Variants in TSPAN5 observed in about 807,000 individuals in gnomAD.
TSPAN5 encodes the protein tetraspanin-5.
Under a neutral mutation model 37.1 loss-of-function variants are expected in TSPAN5, and 10 were observed. That is an observed-to-expected ratio of 0.27 (90% CI 0.17 to 0.46). TSPAN5 has a LOEUF of 0.46. TSPAN5 is among the 20% of genes least tolerant of loss of function. The pLI, the probability that TSPAN5 is intolerant of heterozygous loss-of-function variation, is 1.00. For missense variants in TSPAN5, 195 were observed against 326.6 expected, an observed-to-expected ratio of 0.60 and a Z score of 3.11; for synonymous variants, 110 against 118.9, an observed-to-expected ratio of 0.93 and a Z score of 0.48.
At chr4:98,546,215 A>G (rs1754466272) in intron 1 of TSPAN5, among the ~76,000 whole-genome samples, 1 of 152,222 alleles carries the variant, frequency 6.6e-6, no homozygotes, top group Non-Finnish European at 1.5e-5. Context: ...GCATATTCTA[A>G]CTAGAACATT....
chr4:98,541,356 C>T (rs1754351799), intron 1 of TSPAN5, among the ~76,000 whole-genome samples: 1 of 152,058 alleles, frequency 6.6e-6, no homozygotes, highest in Admixed American at 6.6e-5. Flanking sequence ...ATATACACTA[C>T]AATGCATCCT....
chr4:98,544,841 G>A (rs1754433445), intron 1 of TSPAN5, among the ~76,000 whole-genome samples: 1 of 152,158 alleles, frequency 6.6e-6, no homozygotes, highest in Non-Finnish European at 1.5e-5. Context: ...GTATCTAGGT[G>A]TTAACACTAC....
intron 1 of TSPAN5, among the ~76,000 whole-genome samples, chr4:98,540,639 CCT>C (rs1313410577): frequency 6.6e-6 from 1 of 152,026 alleles, no homozygotes; most frequent in Non-Finnish European, 1.5e-5. Context: ...TGCCCAGCCC[CCT>C]CTTTCTTATA....
At chr4:98,553,346 C>T (rs1003418126) in intron 1 of TSPAN5, among the ~76,000 whole-genome samples, 4 of 152,170 alleles carry the variant, frequency 2.6e-5, no homozygotes, top group Admixed American at 2.0e-4. Flanking sequence ...GAAAACAATA[C>T]ATTAAATATC....
chr4:98,548,001 G>A (rs1478151756), intron 1 of TSPAN5, among the ~76,000 whole-genome samples: 1 of 123,350 alleles, frequency 8.1e-6, no homozygotes, highest in Non-Finnish European at 1.6e-5. Context: ...GACAGAGCGA[G>A]ACTCTGTCTC....
intron 4 of TSPAN5, 44 bp downstream of exon 4, chr4:98,481,961 G>T: frequency 1.3e-6 from 2 of 1,599,646 alleles, no homozygotes; most frequent in Non-Finnish European, 1.7e-6. Flanking sequence ...TGGGGTCATC[G>T]TTCAGAGAAC....
At chr4:98,505,633 C>T (rs1280546924) in intron 2 of TSPAN5, among the ~76,000 whole-genome samples, 1 of 152,228 alleles carries the variant, frequency 6.6e-6, no homozygotes, top group African/African-American at 2.4e-5. Flanking sequence ...TCTGGACAAA[C>T]ATACTTGGGC....
At chr4:98,638,812 T>C (rs759634146) in intron 1 of TSPAN5, among the ~76,000 whole-genome samples, 9 of 152,228 alleles carry the variant, frequency 5.9e-5, no homozygotes, top group Non-Finnish European at 8.8e-5. Flanking sequence ...CAAAGGACTT[T>C]ATTATTCACA....
intron 1 of TSPAN5, among the ~76,000 whole-genome samples, chr4:98,647,798 T>C (rs1357050011): frequency 1.3e-5 from 2 of 152,096 alleles, no homozygotes; most frequent in Middle Eastern, 3.4e-3. Flanking sequence ...ATCACAGTGC[T>C]AACCATTGGG....
At chr4:98,536,916 A>G (rs553300986) in intron 1 of TSPAN5, among the ~76,000 whole-genome samples, 1 of 152,142 alleles carries the variant, frequency 6.6e-6, no homozygotes, top group South Asian at 2.1e-4. Flanking sequence ...AAGCCAGTGG[A>G]TCTTAGTTTG....
At chr4:98,547,012 C>A (rs1031891359) in intron 1 of TSPAN5, among the ~76,000 whole-genome samples, 2 of 152,174 alleles carry the variant, frequency 1.3e-5, no homozygotes, top group Non-Finnish European at 2.9e-5. Flanking sequence ...CCCAGGCACA[C>A]GGCTGATGTG....
intron 1 of TSPAN5, among the ~76,000 whole-genome samples, chr4:98,555,585 T>C (rs1033036407): frequency 6.6e-6 from 1 of 152,102 alleles, no homozygotes; most frequent in Admixed American, 6.5e-5. Flanking sequence ...TCTTATCCAC[T>C]TGTGTTTCCC....
intron 4 of TSPAN5, among the ~76,000 whole-genome samples, chr4:98,480,772 G>A (rs1456161728): frequency 6.6e-6 from 1 of 152,134 alleles, no homozygotes; most frequent in Admixed American, 6.6e-5. Flanking sequence ...GATTATTAGG[G>A]AGCCTGCACC....
chr4:98,598,152 T>C (rs1755792468), intron 1 of TSPAN5, among the ~76,000 whole-genome samples: 1 of 129,928 alleles, frequency 7.7e-6, no homozygotes, highest in Non-Finnish European at 1.6e-5. Flanking sequence ...CGCCATTTCT[T>C]AAGCCAGTCT....
chr4:98,641,065 C>G (rs1266704690), intron 1 of TSPAN5, among the ~76,000 whole-genome samples: 1 of 152,208 alleles, frequency 6.6e-6, no homozygotes, highest in African/African-American at 2.4e-5. Flanking sequence ...CCCTTAACCA[C>G]TGTCTTACAT....
chr4:98,546,056 A>C (rs1754463584), intron 1 of TSPAN5, among the ~76,000 whole-genome samples: 1 of 152,190 alleles, frequency 6.6e-6, no homozygotes, highest in South Asian at 2.1e-4. Context: ...TTAATAATGT[A>C]TTAATAATAT....
At chr4:98,541,909 T>C (rs766589622) in intron 1 of TSPAN5, among the ~76,000 whole-genome samples, 1 of 152,154 alleles carries the variant, frequency 6.6e-6, no homozygotes, top group African/African-American at 2.4e-5. Context: ...GAAGTCTTTA[T>C]GTGTTATGGT....
intron 1 of TSPAN5, among the ~76,000 whole-genome samples, chr4:98,649,348 T>A (rs1484554772): frequency 6.6e-6 from 1 of 152,124 alleles, no homozygotes; most frequent in African/African-American, 2.4e-5. Flanking sequence ...TGGGCCAGAA[T>A]AAGACATTTA....
At chr4:98,616,744 CCAA>C (rs1363985962) in intron 1 of TSPAN5, among the ~76,000 whole-genome samples, 1 of 152,116 alleles carries the variant, frequency 6.6e-6, no homozygotes, top group African/African-American at 2.4e-5. Context: ...CAGTATTGTT[CCAA>C]CAACAAATGG....
Sources: gnomAD v4.1 joint callset for allele counts (sites outside exome capture counted in the v4.1 genomes callset) on GRCh38, gnomAD v4.1.1 for gene constraint, MANE v1.5 for transcripts, NCBI Gene and HGNC (gene_info 2026-07-23, HGNC 2026-07-21) for gene names.